SNX29: variants seen among roughly 807,000 people sequenced by gnomAD.
SNX29 encodes sorting nexin-29.
In SNX29, 78 loss-of-function variants were observed where a neutral mutation model predicts 102.1. The ratio of observed to expected loss-of-function variants is 0.76; its 90% confidence interval spans 0.64 to 0.92. The LOEUF is 0.92. Ranked by LOEUF, SNX29 falls within the 40% of genes least tolerant of loss-of-function variation. The probability of loss-of-function intolerance (pLI) is 0.00; values close to 1 mark genes in which losing one functional copy is unlikely to be tolerated. For missense variants in SNX29, 1,280 were observed against 1,061.7 expected (o/e 1.21, Z -2.86); for synonymous variants, 580 against 414.5 (o/e 1.40, Z -4.85).
rs559637968 is a variant in SNX29 at position 12,391,136 on chromosome 16, G to T, written c.1900-7310G>T. ...ACTTTTTAAATATTCTGTTGAGATGGGGTCTCCCTGTGTTGCCCAGACTGG... is the reference window on the plus strand; with the variant it reads ...ACTTTTTAAATATTCTGTTGAGATGTGGTCTCCCTGTGTTGCCCAGACTGG... On this transcript the variant is annotated intron_variant, in intron 16 of 20. Coordinates refer to ENST00000566228, the MANE Select transcript of SNX29 (RefSeq NM_032167.5). Among the ~76,000 whole-genome samples, 3 of 152,148 alleles carry T rather than the reference G, an allele frequency of 2.0e-5. No homozygotes were observed. The East Asian group carries it at 5.8e-4, about 29-fold the overall frequency.
intron 11 of SNX29, among the ~76,000 whole-genome samples, chr16:12,121,972 C>T (rs143903607): frequency 6.3e-4 from 96 of 152,142 alleles, no homozygotes; most frequent in African/African-American, 2.2e-3. Flanking sequence ...CGCACCATCA[C>T]GCCTGGCTAA....
At chr16:12,358,336 A>G (rs1359073401) in intron 16 of SNX29, among the ~76,000 whole-genome samples, 3 of 152,182 alleles carry the variant, frequency 2.0e-5, no homozygotes, top group African/African-American at 7.2e-5. Context: ...TAGGCCTCAG[A>G]AGAAGGGCAG....
rs2050538076 is a variant in SNX29, at chr16:12,056,777, T to C, written c.1124+4555T>C. On this transcript the variant is annotated intron_variant, in intron 8 of 20. Transcript: ENST00000566228. ...TTTTCTTTACAAGGGATAGTATTTT[T>C]ATTACGGTCAGGTTTTGTTCTTTTG... Among the ~76,000 whole-genome samples, 4 of 152,322 alleles carry C rather than the reference T, an allele frequency of 2.6e-5. 1 individual carries two copies. In the South Asian group the frequency reaches 8.3e-4, roughly 32 times the overall value.
chr16:12,148,208 C>G (rs1289794262), intron 13 of SNX29, among the ~76,000 whole-genome samples: 1 of 152,214 alleles, frequency 6.6e-6, no homozygotes, highest in Middle Eastern at 3.2e-3. Context: ...CTGAGCCACA[C>G]AGGTTAAAGT....
intron 14 of SNX29, among the ~76,000 whole-genome samples, chr16:12,232,645 A>G (rs536002943): frequency 1.1e-4 from 16 of 152,178 alleles, no homozygotes; most frequent in African/African-American, 3.6e-4. Flanking sequence ...GAATCTGGCT[A>G]TTCATGAGAG....
intron 19 of SNX29, among the ~76,000 whole-genome samples, chr16:12,491,672 C>T (rs1343191917): frequency 1.3e-5 from 2 of 152,246 alleles, no homozygotes; most frequent in African/African-American, 4.8e-5. Context: ...AATGCTATCC[C>T]TCCCCCTTCC....
chr16:12,414,809 C>G (rs1412958019), intron 18 of SNX29, among the ~76,000 whole-genome samples: 2 of 152,172 alleles, frequency 1.3e-5, no homozygotes, highest in Admixed American at 1.3e-4. Flanking sequence ...GCAACCTTCG[C>G]CTCCGGGGTT....
chr16:12,408,865 C>T (rs2084280641), intron 18 of SNX29, among the ~76,000 whole-genome samples: 1 of 152,154 alleles, frequency 6.6e-6, no homozygotes, highest in African/African-American at 2.4e-5. Flanking sequence ...AAGGTAATTC[C>T]CCTGCTATGT....
chr16:12,566,847 C>CT (rs1214886993), intron 20 of SNX29, among the ~76,000 whole-genome samples: 1 of 152,188 alleles, frequency 6.6e-6, no homozygotes, highest in Non-Finnish European at 1.5e-5. Flanking sequence ...TCAAATGTTT[C>CT]TTTTTCATCC....
chr16:12,282,094 A>AT (rs1307713947), intron 15 of SNX29, among the ~76,000 whole-genome samples: 2 of 150,910 alleles, frequency 1.3e-5, no homozygotes, highest in Non-Finnish European at 3.0e-5. Flanking sequence ...AAAAAAAAAA[A>AT]AAAAAAAAAA....
Position 12,003,035 on chromosome 16 carries a change from C to T in SNX29, c.114C>T (p.Ser38=), listed in dbSNP as rs531027822. Residue 38 remains serine, a synonymous_variant, in exon 3 of 21, where the codon TCC becomes TCT. Transcript: ENST00000566228. ...GGAGAAAGGAGATTGCCTCGGATTCCGACAGCAGGTAAATATGTCACTTCT... is the reference window on the plus strand; with the variant it reads ...GGAGAAAGGAGATTGCCTCGGATTCTGACAGCAGGTAAATATGTCACTTCT... The part of the protein sequence containing the change: ...FGGRKEIASD[S]DSRVTCLCAQ... 1.7e-5 allele frequency: 28 copies of T among 1,614,020 alleles called. No homozygotes were observed. The highest frequency in any genetic ancestry group is 3.3e-4 in the Middle Eastern group (2 of 6,080).
intron 16 of SNX29, among the ~76,000 whole-genome samples, chr16:12,364,229 C>G (rs1306441652): frequency 8.3e-6 from 1 of 119,984 alleles, no homozygotes; most frequent in Non-Finnish European, 1.7e-5. Flanking sequence ...TTTGTAGAGG[C>G]AGGCTCTCAC....
chr16:12,563,779 C>G (rs1208094258), intron 20 of SNX29, among the ~76,000 whole-genome samples: 6 of 152,202 alleles, frequency 3.9e-5, no homozygotes, highest in Non-Finnish European at 7.3e-5. Flanking sequence ...GTCTGCCGAC[C>G]TGTCTGAAGA....
intron 12 of SNX29, among the ~76,000 whole-genome samples, chr16:12,127,578 T>C (rs919518027): frequency 4.6e-5 from 7 of 152,068 alleles, no homozygotes; most frequent in African/African-American, 1.7e-4. Context: ...CATGCCACCA[T>C]GCCCGGCTAA....
chr16:12,140,359 C>G (rs2054827541), intron 13 of SNX29, among the ~76,000 whole-genome samples: 2 of 152,214 alleles, frequency 1.3e-5, no homozygotes, highest in African/African-American at 2.4e-5. Context: ...GGGATTCACT[C>G]TCTCATTTCC....
chr16:12,537,797 TA>T (rs1245944500), intron 20 of SNX29, among the ~76,000 whole-genome samples: 1 of 152,096 alleles, frequency 6.6e-6, no homozygotes, highest in African/African-American at 2.4e-5. Flanking sequence ...AAATATCTCC[TA>T]TATCAGAGAG....
In SNX29 at chr16:12,377,495, C is replaced by T. The variant is rs535280474; in HGVS notation, c.1900-20951C>T. Among the ~76,000 whole-genome samples the T allele has an allele frequency of 3.3e-5, 5 of 152,266 alleles. No homozygotes were observed. The East Asian group carries it at 9.6e-4, about 29-fold the overall frequency. ...CAAGTTCCACAGACACATCTAACTG[C>T]AGGTGGGTGGGGAGGGGCAGTCTCC... On this transcript the variant is annotated intron_variant, in intron 16 of 20. Transcript: ENST00000566228.
At chr16:12,351,984 G>A (rs2082002625) in intron 15 of SNX29, among the ~76,000 whole-genome samples, 1 of 152,120 alleles carries the variant, frequency 6.6e-6, no homozygotes, top group Admixed American at 6.5e-5. Flanking sequence ...CATTGAGGTG[G>A]ATCCCAGCCA....
intron 15 of SNX29, among the ~76,000 whole-genome samples, chr16:12,304,086 TGA>T (rs2080263580): frequency 6.6e-6 from 1 of 152,226 alleles, no homozygotes; most frequent in African/African-American, 2.4e-5. Flanking sequence ...GATTTCTACC[TGA>T]GAGAAATTTT....
Sources: allele counts gnomAD v4.1 joint callset (sites outside exome capture counted in the v4.1 genomes callset), GRCh38; gene constraint gnomAD v4.1.1; transcripts MANE v1.5; gene names NCBI Gene and HGNC (gene_info 2026-07-23, HGNC 2026-07-21).